PAPPA: variants seen among roughly 807,000 people sequenced by gnomAD.
PAPPA encodes pappalysin 1, also known as pappalysin-1.
In PAPPA, 60 loss-of-function variants were observed where a neutral mutation model predicts 164.0. The ratio of observed to expected loss-of-function variants is 0.37; its 90% CI spans 0.30 to 0.45. PAPPA has a LOEUF of 0.45. Among genes scored for constraint, PAPPA ranks in the 20% least tolerant of loss-of-function variants. PAPPA has a pLI of 1.00. For missense variants in PAPPA, 1,782 were observed against 2,087.3 expected, an observed-to-expected ratio of 0.85 and a Z score of 2.85; for synonymous variants, 875 against 814.1, an observed-to-expected ratio of 1.07 and a Z score of -1.27.
At chr9:116,374,146 A>G (rs889005257) in intron 19 of PAPPA, among the ~76,000 whole-genome samples, 2 of 94,706 alleles carry the variant, frequency 2.1e-5, no homozygotes, top group African/African-American at 5.9e-5. Context: ...GGTGCAGATG[A>G]TGGTGGTAGT....
chr9:116,216,898 T>C (rs1325026739), intron 4 of PAPPA, among the ~76,000 whole-genome samples: 2 of 151,998 alleles, frequency 1.3e-5, no homozygotes, highest in South Asian at 2.1e-4. Context: ...TGCACCACCA[T>C]GCCCAGCTAA....
At chr9:116,242,889 A>G (rs1457139918) in intron 7 of PAPPA, among the ~76,000 whole-genome samples, 2 of 152,190 alleles carry the variant, frequency 1.3e-5, no homozygotes, top group Non-Finnish European at 2.9e-5. Flanking sequence ...TGGGAAAAAT[A>G]TGACTTCTCA....
chr9:116,390,215 G>C (rs1588032881), intron 21 of PAPPA, among the ~76,000 whole-genome samples: 1 of 152,082 alleles, frequency 6.6e-6, no homozygotes, highest in Admixed American at 6.6e-5. Flanking sequence ...AAGTTTCCCA[G>C]AGAAGGCAAC....
intron 10 of PAPPA, among the ~76,000 whole-genome samples, chr9:116,325,061 G>A (rs1021321598): frequency 6.6e-6 from 1 of 152,160 alleles, no homozygotes; most frequent in African/African-American, 2.4e-5. Flanking sequence ...GGGACCAGAA[G>A]CAAAAAGACT....
Position 116,398,919 on chromosome 9 carries a change from C to T in PAPPA, c.*2303C>T. 3 of 349,020 alleles carry T rather than the reference C, an allele frequency of 8.6e-6. No individual in the cohort carries two copies. 21.6% of individuals were successfully genotyped at this position (349,020 alleles called of 1,614,324 possible). A position where few individuals can be genotyped will look rare whatever the true frequency, so the allele number is the denominator to read the frequency against. Reference sequence around the variant, plus strand: ...TCACACTCTTGTCAACTCTCCAGGCCTCTCTCTTGCCCTGAGTTATCAGCC... The same window carrying T: ...TCACACTCTTGTCAACTCTCCAGGCTTCTCTCTTGCCCTGAGTTATCAGCC... On this transcript the variant is annotated 3_prime_UTR_variant, in exon 22 of 22. Coordinates refer to ENST00000328252, the MANE Select transcript of PAPPA (RefSeq NM_002581.5).
chr9:116,202,602 G>A (rs1373620907), intron 2 of PAPPA, among the ~76,000 whole-genome samples: 1 of 152,144 alleles, frequency 6.6e-6, no homozygotes, highest in African/African-American at 2.4e-5. Context: ...TACCACTCTT[G>A]AGAGGCGGCT....
intron 21 of PAPPA, among the ~76,000 whole-genome samples, chr9:116,384,763 GAACA>G (rs1846783693): frequency 6.6e-6 from 1 of 152,008 alleles, no homozygotes; most frequent in South Asian, 2.1e-4. Flanking sequence ...TGAATATAGT[GAACA>G]ATATTATCTA....
At chr9:116,385,281 ATAAT>A (rs1419970366) in intron 21 of PAPPA, among the ~76,000 whole-genome samples, 23 of 83,720 alleles carry the variant, frequency 2.7e-4, no homozygotes, top group Admixed American at 8.9e-4. Context: ...AAATAAATAA[ATAAT>A]AATTTGGAAT....
chr9:116,220,673 G>T (rs1587958325), intron 5 of PAPPA, among the ~76,000 whole-genome samples: 1 of 151,812 alleles, frequency 6.6e-6, no homozygotes, highest in Admixed American at 6.6e-5. Flanking sequence ...CAGATCATGA[G>T]GTCAGGAGTT....
chr9:116,298,092 T>G (rs553922570), intron 9 of PAPPA, among the ~76,000 whole-genome samples: 65 of 152,332 alleles, frequency 4.3e-4, no homozygotes, highest in African/African-American at 1.4e-3. Flanking sequence ...CAAGGTAAAC[T>G]AATATCATTT....
At chr9:116,212,547 G>A (rs948702211) in intron 4 of PAPPA, among the ~76,000 whole-genome samples, 2 of 152,126 alleles carry the variant, frequency 1.3e-5, no homozygotes, top group Non-Finnish European at 2.9e-5. Flanking sequence ...TAGTCACAAT[G>A]CACACAATTG....
chr9:116,211,677 G>A lies in PAPPA; in HGVS notation c.1663G>A (p.Gly555Arg), dbSNP rs1276821546. The stretch of plus-strand genomic sequence containing the variant: ...GAACCCATCTTTCTATGGCATGCCT[G>A]GGCACACCCACACCATGATCCATGA... ...VLNPSFYGMP[G>R]HTHTMIHEIG... Residue 555 changes from glycine to arginine, a missense_variant, in exon 4 of 22, where the codon GGG becomes AGG. This residue lies in a region of PAPPA where 1,324 missense variants were observed against 1,656.9 expected (regional missense o/e 0.80). Transcript: ENST00000328252. The A allele has an allele frequency of 6.2e-7, 1 of 1,614,042 alleles. No individual in the cohort carries two copies. Among genetic ancestry groups the A allele is most frequent in the Admixed American group, 1.7e-5 (1 of 59,998 alleles).
intron 20 of PAPPA, among the ~76,000 whole-genome samples, chr9:116,378,773 T>G (rs560050095): frequency 2.2e-4 from 34 of 152,162 alleles, no homozygotes; most frequent in Non-Finnish European, 4.1e-4. Context: ...AGACAAAACG[T>G]AAGCCCAGCT....
intron 18 of PAPPA, among the ~76,000 whole-genome samples, chr9:116,367,103 T>G (rs1413642259): frequency 1.3e-5 from 2 of 152,162 alleles, no homozygotes; most frequent in Non-Finnish European, 2.9e-5. Flanking sequence ...GCAAACTTCT[T>G]AGAAGAATTG....
chr9:116,308,411 C>T (rs1845673894), intron 10 of PAPPA, among the ~76,000 whole-genome samples: 1 of 152,214 alleles, frequency 6.6e-6, no homozygotes, highest in South Asian at 2.1e-4. Context: ...TCAACTTCTT[C>T]CAGGCTTTCC....
Position 116,154,503 on chromosome 9 carries a change from G to C in PAPPA, c.331G>C (p.Asp111His), listed in dbSNP as rs1208552990. 2.9e-6 allele frequency: 4 copies of C among 1,357,000 alleles called. No homozygotes were observed. Among genetic ancestry groups the C allele is most frequent in the Non-Finnish European group, 3.8e-6 (4 of 1,052,440 alleles). 84.1% of individuals were successfully genotyped at this position (1,357,000 alleles called of 1,614,324 possible). Residue 111 changes from aspartate to histidine, a missense_variant, in exon 1 of 22, where the codon GAC becomes CAC. Coordinates refer to ENST00000328252, the MANE Select transcript of PAPPA (RefSeq NM_002581.5). The surrounding 1 kb of genome is among the most constrained non-coding windows in gnomAD (Gnocchi z 5.2). ...AGGCGAGCAGCTGCGCCTCCGGGCC[G>C]ACCTCGAGCTGCCCCGGGACGCGTT... is the stretch of plus-strand genomic sequence containing the variant. ...GRGEQLRLRA[D>H]LELPRDAFTL... is the part of the protein sequence containing the mutation.
At chr9:116,157,914 T>A (rs1186497188) in intron 1 of PAPPA, among the ~76,000 whole-genome samples, 1 of 150,206 alleles carries the variant, frequency 6.7e-6, no homozygotes, top group Non-Finnish European at 1.5e-5. Flanking sequence ...ACCCCTCCAG[T>A]TTGAAAGAAA....
intron 9 of PAPPA, among the ~76,000 whole-genome samples, chr9:116,294,917 C>T (rs2118874871): frequency 1.3e-5 from 2 of 152,240 alleles, no homozygotes; most frequent in Middle Eastern, 6.8e-3. Flanking sequence ...AAAAGCTGTC[C>T]TATCTTTATT....
chr9:116,213,212 G>A (rs1424012809), intron 4 of PAPPA, among the ~76,000 whole-genome samples: 1 of 152,158 alleles, frequency 6.6e-6, no homozygotes. Context: ...CATTTCTGTT[G>A]AGGTTTTGCC....
Sources: allele counts gnomAD v4.1 joint callset (sites outside exome capture counted in the v4.1 genomes callset), GRCh38; gene constraint gnomAD v4.1.1; regional missense constraint gnomAD v4.1.1; non-coding constraint Gnocchi (gnomAD v3.1); transcripts MANE v1.5; gene names NCBI Gene and HGNC (gene_info 2026-07-23, HGNC 2026-07-21).